FHIP1A: variants seen among roughly 807,000 people sequenced by gnomAD.
FHIP1A encodes FHF complex subunit HOOK-interacting protein 1A.
In FHIP1A, 61 loss-of-function variants were observed where a neutral mutation model predicts 88.6. That is an observed-to-expected ratio of 0.69 (90% CI 0.56 to 0.85). The LOEUF is 0.85. Among genes scored for constraint, FHIP1A ranks in the 40% least tolerant of loss-of-function variants. FHIP1A has a pLI of 0.00. For missense variants in FHIP1A, 1,154 were observed against 1,273.5 expected (o/e 0.91, Z 1.43); for synonymous variants, 478 against 496.0 (o/e 0.96, Z 0.48).
At chr4:151,595,857 T>C (rs991106531) in intron 7 of FHIP1A, among the ~76,000 whole-genome samples, 2 of 152,234 alleles carry the variant, frequency 1.3e-5, no homozygotes, top group African/African-American at 4.8e-5. Context: ...CACTGCTTTT[T>C]TTTGCTTTCC....
At chr4:151,498,491 G>A (rs1730539862) in intron 3 of FHIP1A, among the ~76,000 whole-genome samples, 1 of 152,096 alleles carries the variant, frequency 6.6e-6, no homozygotes, top group Non-Finnish European at 1.5e-5. Flanking sequence ...TGCTGTGTTT[G>A]GCCCTCACTC....
chr4:151,527,845 A>G (rs948289906), intron 3 of FHIP1A, among the ~76,000 whole-genome samples: 2 of 152,036 alleles, frequency 1.3e-5, no homozygotes, highest in African/African-American at 4.8e-5. Flanking sequence ...AGCTTCAAAG[A>G]TTCTGATTTT....
chr4:151,508,807 A>G (rs1730923036), intron 3 of FHIP1A, among the ~76,000 whole-genome samples: 1 of 152,100 alleles, frequency 6.6e-6, no homozygotes, highest in Admixed American at 6.5e-5. Context: ...CTGCTCAAAG[A>G]TTGGAAAAGT....
At chr4:151,562,945 A>T (rs1733232081) in intron 3 of FHIP1A, among the ~76,000 whole-genome samples, 1 of 152,144 alleles carries the variant, frequency 6.6e-6, no homozygotes, top group South Asian at 2.1e-4. Flanking sequence ...TATATTTTAT[A>T]ATTCTGTAAG....
chr4:151,668,774 T>G lies in FHIP1A; in HGVS notation c.*6020T>G, dbSNP rs1018681528. 6.6e-6 allele frequency among the ~76,000 whole-genome samples: 1 copy of G among 151,524 alleles called. No homozygotes were observed. Among genetic ancestry groups the G allele is most frequent in the African/African-American group, 2.4e-5 (1 of 41,036 alleles). ...ATGCAGAGTGCTAGGGCTGGCACAT[T>G]CCTGCCTTCCCACCAGAACCCTCCA... On this transcript the variant is annotated 3_prime_UTR_variant, in exon 14 of 14. Coordinates refer to ENST00000435205, the MANE Select transcript of FHIP1A (RefSeq NM_001109977.3).
chr4:151,654,996 G>A (rs1284318607), intron 11 of FHIP1A, among the ~76,000 whole-genome samples: 7 of 152,174 alleles, frequency 4.6e-5, no homozygotes, highest in Non-Finnish European at 1.0e-4. Flanking sequence ...TGTGGTAAAG[G>A]TTTCGGTTTG....
chr4:151,439,938 A>G (rs1399068809), intron 1 of FHIP1A, among the ~76,000 whole-genome samples: 6 of 152,128 alleles, frequency 3.9e-5, no homozygotes, highest in African/African-American at 1.4e-4. Context: ...CTCTATCTCC[A>G]TGTTGAATGT....
intron 1 of FHIP1A, among the ~76,000 whole-genome samples, chr4:151,447,143 T>G (rs1393681425): frequency 1.3e-5 from 2 of 152,208 alleles, no homozygotes; most frequent in African/African-American, 4.8e-5. Context: ...ATTTGCGTAT[T>G]TCACCACATT....
At chr4:151,646,313 T>C (rs1412318988) in intron 9 of FHIP1A, among the ~76,000 whole-genome samples, 1 of 152,148 alleles carries the variant, frequency 6.6e-6, no homozygotes, top group African/African-American at 2.4e-5. Context: ...AGGGATCGTT[T>C]AAGAGATGAA....
chr4:151,534,540 A>G (rs978688265), intron 3 of FHIP1A, among the ~76,000 whole-genome samples: 1 of 152,244 alleles, frequency 6.6e-6, no homozygotes, highest in African/African-American at 2.4e-5. Context: ...AATTAAATAT[A>G]GAGTTCTGCA....
chr4:151,424,463 C>T (rs1018656914), intron 1 of FHIP1A, among the ~76,000 whole-genome samples: 1 of 151,972 alleles, frequency 6.6e-6, no homozygotes, highest in Non-Finnish European at 1.5e-5. Context: ...GAACCAAAGG[C>T]ATGGAATCTA....
At chr4:151,471,464 A>G (rs900881062) in intron 2 of FHIP1A, among the ~76,000 whole-genome samples, 1 of 152,074 alleles carries the variant, frequency 6.6e-6, no homozygotes, top group African/African-American at 2.4e-5. Context: ...CAATCAGCAG[A>G]CCTAGAAGCC....
intron 3 of FHIP1A, among the ~76,000 whole-genome samples, chr4:151,510,405 TG>T (rs1730986034): frequency 6.6e-6 from 1 of 152,218 alleles, no homozygotes; most frequent in Non-Finnish European, 1.5e-5. Context: ...CTACCATGCC[TG>T]GCCCTATCAG....
At chr4:151,429,117 A>G (rs182317883) in intron 1 of FHIP1A, among the ~76,000 whole-genome samples, 29 of 147,592 alleles carry the variant, frequency 2.0e-4, no homozygotes, top group Non-Finnish European at 2.8e-4. Context: ...TCACTATTAT[A>G]GGCATTTACA....
intron 2 of FHIP1A, among the ~76,000 whole-genome samples, chr4:151,455,318 G>C (rs1050577925): frequency 6.6e-6 from 1 of 152,188 alleles, no homozygotes; most frequent in African/African-American, 2.4e-5. Context: ...ATAGCACCTT[G>C]TGTAAGAACT....
chr4:151,439,542 C>T (rs1580565776), intron 1 of FHIP1A, among the ~76,000 whole-genome samples: 1 of 152,012 alleles, frequency 6.6e-6, no homozygotes, highest in African/African-American at 2.4e-5. Flanking sequence ...CCCCTTCTGC[C>T]CCAGCTGTCT....
At chr4:151,642,560 G>A (rs1736625843) in intron 9 of FHIP1A, among the ~76,000 whole-genome samples, 1 of 152,144 alleles carries the variant, frequency 6.6e-6, no homozygotes, top group African/African-American at 2.4e-5. Context: ...AATCACAAAT[G>A]ATCTTTTTGA....
At chr4:151,466,193 A>G (rs561665870) in intron 2 of FHIP1A, among the ~76,000 whole-genome samples, 1 of 152,310 alleles carries the variant, frequency 6.6e-6, no homozygotes, top group African/African-American at 2.4e-5. Flanking sequence ...AACAATAGAC[A>G]AGCAGAGAGC....
intron 9 of FHIP1A, among the ~76,000 whole-genome samples, chr4:151,645,448 G>C (rs777904712): frequency 1.3e-4 from 20 of 152,134 alleles, no homozygotes; most frequent in Admixed American, 1.3e-3. Flanking sequence ...CAGGAGGTAT[G>C]GGAGATGGTT....
Sources: gnomAD v4.1 joint callset for allele counts (sites outside exome capture counted in the v4.1 genomes callset) on GRCh38, gnomAD v4.1.1 for gene constraint, MANE v1.5 for transcripts, NCBI Gene and HGNC (gene_info 2026-07-23, HGNC 2026-07-21) for gene names.